The following KLF13 variants were observed in gnomAD, a reference collection of about 807,000 sequenced individuals.
KLF13 encodes Krueppel-like factor 13.
A neutral mutation model predicts 16.7 loss-of-function variants in KLF13; 8 were observed. The ratio of observed to expected loss-of-function variants is 0.48; its 90% CI spans 0.28 to 0.87. The LOEUF is 0.87. KLF13 is among the 40% of genes least tolerant of loss of function. KLF13 has a pLI of 0.10. For missense variants in KLF13, 447 were observed against 452.2 expected (o/e 0.99, Z 0.10); for synonymous variants, 245 against 208.4 (o/e 1.18, Z -1.51).
At chr15:31,332,693 C>T (rs912583226) in intron 1 of KLF13, among the ~76,000 whole-genome samples, 14 of 152,186 alleles carry the variant, frequency 9.2e-5, no homozygotes, top group African/African-American at 1.9e-4. Flanking sequence ...AGCCTCCTGC[C>T]CTTAGATCCT....
intron 2 of KLF13, among the ~76,000 whole-genome samples, chr15:31,398,846 A>T (rs1446638402): frequency 1.3e-5 from 2 of 152,176 alleles, no homozygotes; most frequent in African/African-American, 4.8e-5. Context: ...CAGGCCAAGA[A>T]GCCGTGGGCA....
chr15:31,335,471 GT>G (rs1566802941), intron 1 of KLF13, among the ~76,000 whole-genome samples: 17 of 83,590 alleles, frequency 2.0e-4, no homozygotes, highest in Admixed American at 1.4e-3. Context: ...GTGTGTGTGT[GT>G]GTGTATGGTG....
downstream of KLF13, among the ~76,000 whole-genome samples, chr15:31,378,081 C>T (rs2039677791): frequency 6.6e-6 from 1 of 152,116 alleles, no homozygotes; most frequent in African/African-American, 2.4e-5. Flanking sequence ...AGTGGGTGCT[C>T]TTCTGGCTTC....
At chr15:31,388,854 CTT>C (rs775140687), upstream of KLF13, among the ~76,000 whole-genome samples, 3 of 129,930 alleles carry the variant, frequency 2.3e-5, no homozygotes, top group African/African-American at 2.8e-5. Context: ...TGGGATTAAA[CTT>C]TTTTTTTTTT....
chr15:31,365,265 A>G (rs893071673), intron 1 of KLF13, among the ~76,000 whole-genome samples: 1 of 152,176 alleles, frequency 6.6e-6, no homozygotes, highest in Non-Finnish European at 1.5e-5. Flanking sequence ...TGCCCCTGCC[A>G]TTGCCTCCAG....
chr15:31,376,940 A>AC lies in KLF13; in HGVS notation c.*4644dup. The AC allele has an allele frequency of 8.0e-6, 1 of 124,680 alleles. No homozygotes were observed. Among genetic ancestry groups the AC allele is most frequent in the Non-Finnish European group, 1.6e-5 (1 of 62,606 alleles). The allele number at this position is 124,680 out of a possible 1,614,324, so 7.7% of individuals were successfully genotyped here. A position where few individuals can be genotyped will look rare whatever the true frequency, so the allele number is the denominator to read the frequency against. ...GGATGGGAGAGAAGTAGCGTCCCCT[A>AC]CCCTACAAGTCACACATTCCGGGGA... On this transcript the variant is annotated 3_prime_UTR_variant, in exon 2 of 2. Transcript: ENST00000307145.
intron 1 of KLF13, among the ~76,000 whole-genome samples, chr15:31,364,940 C>T (rs2039442958): frequency 6.6e-6 from 1 of 152,248 alleles, no homozygotes; most frequent in African/African-American, 2.4e-5. Context: ...GGCCTTTCTG[C>T]TACCCCTGAG....
chr15:31,332,714 A>G (rs2038854484), intron 1 of KLF13, among the ~76,000 whole-genome samples: 1 of 152,236 alleles, frequency 6.6e-6, no homozygotes, highest in Non-Finnish European at 1.5e-5. Flanking sequence ...GTGTGCTCCC[A>G]CTTTACACAT....
intron 1 of KLF13, among the ~76,000 whole-genome samples, chr15:31,423,704 A>G (rs530680103): frequency 6.6e-6 from 1 of 152,326 alleles, no homozygotes; most frequent in Admixed American, 6.5e-5. Context: ...TCTAAGAACT[A>G]CAGAATAAAT....
intron 1 of KLF13, among the ~76,000 whole-genome samples, chr15:31,329,009 G>C (rs2038776345): frequency 6.6e-6 from 1 of 152,130 alleles, no homozygotes; most frequent in Non-Finnish European, 1.5e-5. Context: ...GGATACCCTA[G>C]AGCTGAAGGC....
chr15:31,328,872 T>A (rs2038773678), intron 1 of KLF13, among the ~76,000 whole-genome samples: 1 of 152,366 alleles, frequency 6.6e-6, no homozygotes, highest in Non-Finnish European at 1.5e-5. Flanking sequence ...ACTCACCTCT[T>A]CTACCTTGGG....
intron 1 of KLF13, among the ~76,000 whole-genome samples, chr15:31,359,651 T>G (rs1304246620): frequency 6.6e-6 from 1 of 152,218 alleles, no homozygotes; most frequent in African/African-American, 2.4e-5. Flanking sequence ...TAACCTCTGT[T>G]TCCTTCCTGC....
chr15:31,391,212 G>C (rs1214715639), upstream of KLF13, among the ~76,000 whole-genome samples: 1 of 96,490 alleles, frequency 1.0e-5, no homozygotes, highest in Admixed American at 9.6e-5. Context: ...GGTCCTGTGG[G>C]GGGGCTGGGT....
At chr15:31,369,013 A>G (rs560640880) in intron 1 of KLF13, among the ~76,000 whole-genome samples, 4 of 152,292 alleles carry the variant, frequency 2.6e-5, no homozygotes, top group East Asian at 3.9e-4. Context: ...TGATTTATCA[A>G]ATTTAGATAT....
intron 1 of KLF13, among the ~76,000 whole-genome samples, chr15:31,331,015 A>AGT (rs1314198446): frequency 2.0e-5 from 3 of 152,202 alleles, no homozygotes; most frequent in Admixed American, 1.3e-4. Context: ...GCCTCTGGAG[A>AGT]GTCCTGCGTG....
rs144790572 is a variant in KLF13, at chr15:31,376,239, A to G, written c.*3940A>G. The G allele has an allele frequency of 6.5e-6, 1 of 152,812 alleles. No individual in the cohort carries two copies. Among genetic ancestry groups the G allele is most frequent in the African/African-American group, 2.4e-5 (1 of 41,548 alleles). 9.5% of individuals were successfully genotyped at this position (152,812 alleles called of 1,614,324 possible). Reference sequence around the variant, plus strand: ...GGCAGGGGTGCCACCCAACAGGAAGATGTGATCTGAGCAATAGTGTGGCCT... The same window carrying G: ...GGCAGGGGTGCCACCCAACAGGAAGGTGTGATCTGAGCAATAGTGTGGCCT... On this transcript the variant is annotated 3_prime_UTR_variant, in exon 2 of 2. Coordinates refer to ENST00000307145, the MANE Select transcript of KLF13 (RefSeq NM_015995.4).
At chr15:31,423,264 C>T (rs1195940430) in intron 1 of KLF13, among the ~76,000 whole-genome samples, 2 of 147,560 alleles carry the variant, frequency 1.4e-5, no homozygotes, top group Non-Finnish European at 3.0e-5. Flanking sequence ...GGCAGTAACA[C>T]AGTAATAGAA....
intron 2 of KLF13, among the ~76,000 whole-genome samples, chr15:31,402,616 C>A (rs1025641004): frequency 1.3e-5 from 2 of 152,208 alleles, no homozygotes; most frequent in East Asian, 1.9e-4. Flanking sequence ...AGGGCTGCCC[C>A]GCCATCCCAC....
intron 2 of KLF13, among the ~76,000 whole-genome samples, chr15:31,402,937 G>T (rs186064377): frequency 1.2e-3 from 172 of 145,586 alleles, no homozygotes; most frequent in African/African-American, 4.7e-3. Flanking sequence ...TTCTTCTTTC[G>T]TAAGCAGCCT....
Sources: allele counts gnomAD v4.1 joint callset (sites outside exome capture counted in the v4.1 genomes callset), GRCh38; gene constraint gnomAD v4.1.1; transcripts MANE v1.5; gene names NCBI Gene and HGNC (gene_info 2026-07-23, HGNC 2026-07-21).